The following SFMBT2 variants were observed in gnomAD, a reference collection of about 807,000 sequenced individuals.
SFMBT2 encodes the protein scm-like with four MBT domains protein 2.
In SFMBT2, 38 loss-of-function variants were observed where a neutral mutation model predicts 110.1. That is an observed-to-expected ratio of 0.35 (90% CI 0.27 to 0.45). The LOEUF is 0.45. Ranked by LOEUF, SFMBT2 falls within the 20% of genes least tolerant of loss-of-function variation. SFMBT2 has a pLI of 1.00. For missense variants in SFMBT2, 1,011 were observed against 1,094.9 expected, an observed-to-expected ratio of 0.92 and a Z score of 1.08; for synonymous variants, 425 against 425.4, an observed-to-expected ratio of 1.00 and a Z score of 0.01.
At chr10:7,205,417 T>C in intron 12 of SFMBT2, 1 of 985,284 alleles carries the variant, frequency 1.0e-6, no homozygotes, top group Non-Finnish European at 1.2e-6. Flanking sequence ...AGAATGTCAG[T>C]ATATTATTGG....
chr10:7,281,629 GGTA>G (rs984789554), intron 6 of SFMBT2, among the ~76,000 whole-genome samples: 2 of 152,084 alleles, frequency 1.3e-5, no homozygotes, highest in African/African-American at 4.8e-5. Context: ...GTACAACAGG[GGTA>G]GTACAGCCTC....
chr10:7,209,290 T>C (rs899727255), intron 11 of SFMBT2, among the ~76,000 whole-genome samples: 1 of 152,262 alleles, frequency 6.6e-6, no homozygotes, highest in Non-Finnish European at 1.5e-5. Context: ...TATCATTTTA[T>C]AGAAAAATCC....
chr10:7,274,211 G>A (rs966982528), intron 7 of SFMBT2, among the ~76,000 whole-genome samples: 3 of 152,186 alleles, frequency 2.0e-5, no homozygotes, highest in African/African-American at 7.2e-5. Flanking sequence ...CACAGACCAG[G>A]TGCAGTCGCT....
intron 10 of SFMBT2, among the ~76,000 whole-genome samples, chr10:7,224,622 C>A (rs1839848050): frequency 2.0e-5 from 3 of 152,316 alleles, no homozygotes; most frequent in Middle Eastern, 3.4e-3. Context: ...CGTTCCACTA[C>A]CTTCAAATAG....
At chr10:7,200,606 A>G (rs1838922602) in intron 13 of SFMBT2, 122 bp from the exon 14 acceptor site, 4 of 722,822 alleles carry the variant, frequency 5.5e-6, no homozygotes, top group Non-Finnish European at 8.5e-6. Context: ...GGACCATAGA[A>G]TAGAATGTGT....
intron 4 of SFMBT2, among the ~76,000 whole-genome samples, chr10:7,296,638 C>T (rs1016451246): frequency 5.3e-5 from 8 of 152,304 alleles, no homozygotes; most frequent in African/African-American, 1.9e-4. Context: ...GCCTCTTGTT[C>T]AACAGTATTT....
chr10:7,192,107 A>G (rs1046557109), intron 15 of SFMBT2, among the ~76,000 whole-genome samples: 2 of 152,118 alleles, frequency 1.3e-5, no homozygotes, highest in Non-Finnish European at 2.9e-5. Context: ...AGACCATGTG[A>G]GTGTGTTCAA....
chr10:7,266,806 G>A (rs1841409011), intron 7 of SFMBT2, among the ~76,000 whole-genome samples: 1 of 152,208 alleles, frequency 6.6e-6, no homozygotes. Flanking sequence ...GTGAGTTCAG[G>A]ACAGAGTTTG....
chr10:7,250,099 G>A (rs1041547875), intron 7 of SFMBT2, among the ~76,000 whole-genome samples: 1 of 152,218 alleles, frequency 6.6e-6, no homozygotes, highest in East Asian at 1.9e-4. Flanking sequence ...TGTTTATGTT[G>A]CAAACAAAGC....
chr10:7,261,680 T>C (rs969192232), intron 7 of SFMBT2, among the ~76,000 whole-genome samples: 3 of 152,208 alleles, frequency 2.0e-5, no homozygotes, highest in Non-Finnish European at 4.4e-5. Context: ...ATTAAGGAGC[T>C]TTAAAGCAGG....
intron 4 of SFMBT2, among the ~76,000 whole-genome samples, chr10:7,343,059 C>T (rs1843982016): frequency 6.6e-6 from 1 of 151,864 alleles, no homozygotes; most frequent in South Asian, 2.1e-4. Context: ...TCAAGTAGGC[C>T]CCCGTGTCTA....
intron 20 of SFMBT2, among the ~76,000 whole-genome samples, chr10:7,169,820 C>G (rs1837814748): frequency 6.6e-6 from 1 of 152,208 alleles, no homozygotes; most frequent in Non-Finnish European, 1.5e-5. Context: ...TAGGACACAG[C>G]ATCATATGAT....
At chr10:7,325,048 A>G (rs1843337619) in intron 4 of SFMBT2, among the ~76,000 whole-genome samples, 1 of 145,888 alleles carries the variant, frequency 6.9e-6, no homozygotes, top group Non-Finnish European at 1.5e-5. Flanking sequence ...GCTCACTACA[A>G]CCTCCACCTC....
intron 1 of SFMBT2, among the ~76,000 whole-genome samples, chr10:7,394,796 A>C (rs929391143): frequency 6.6e-6 from 1 of 151,580 alleles, no homozygotes; most frequent in Non-Finnish European, 1.5e-5. Context: ...TTTCTGCTAT[A>C]ATCTACACGA....
chr10:7,234,588 C>A (rs1362427217), intron 9 of SFMBT2, among the ~76,000 whole-genome samples: 1 of 152,118 alleles, frequency 6.6e-6, no homozygotes, highest in African/African-American at 2.4e-5. Context: ...GAGAGTTTTA[C>A]TATACCAACT....
rs1364549307 is a variant in SFMBT2 at position 7,403,922 on chromosome 10, CT to C, written c.-52+6938del. On this transcript the variant is annotated intron_variant, in intron 1 of 20. Transcript: ENST00000397167. ...CAACAGCAGATATTTAAATAAGCAG[CT>C]TTTTTTTATTTTTAAAAGTATTTGA... Among the ~76,000 whole-genome samples the C allele has an allele frequency of 5.3e-5, 8 of 152,028 alleles. 1 individual carries two copies. Among genetic ancestry groups the C allele is most frequent in the Non-Finnish European group, 1.5e-5 (1 of 67,958 alleles).
chr10:7,163,419 C>G lies in SFMBT2; in HGVS notation c.*351G>C, dbSNP rs533999716. On this transcript the variant is annotated 3_prime_UTR_variant, in exon 21 of 21. Transcript: ENST00000397167. The surrounding 1 kb of genome is among the most constrained non-coding windows in gnomAD (Gnocchi z 4.8). ...GTGAGGTTTCTTCCTTGGCGACATT[C>G]TTTGTTTTCAAAGAATGCAGTCCTC... The G allele has an allele frequency of 4.8e-6, 1 of 208,208 alleles. No individual in the cohort carries two copies. Among genetic ancestry groups the G allele is most frequent in the African/African-American group, 2.3e-5 (1 of 43,184 alleles). The allele number at this position is 208,208 out of a possible 1,614,324, so 12.9% of individuals were successfully genotyped here.
At chr10:7,253,493 A>G (rs12266138) in intron 7 of SFMBT2, among the ~76,000 whole-genome samples, 2,074 of 152,320 alleles carry the variant, frequency 0.014, 59 homozygotes, top group African/African-American at 0.047. Flanking sequence ...AAAAACCCAC[A>G]CATGTGATGT....
chr10:7,208,622 G>A (rs1368664041), intron 11 of SFMBT2, among the ~76,000 whole-genome samples: 5 of 151,624 alleles, frequency 3.3e-5, no homozygotes, highest in African/African-American at 9.7e-5. Flanking sequence ...GGAGGTGGAG[G>A]TTGCAGTGAG....
Sources: allele counts gnomAD v4.1 joint callset (sites outside exome capture counted in the v4.1 genomes callset), GRCh38; gene constraint gnomAD v4.1.1; non-coding constraint Gnocchi (gnomAD v3.1); transcripts MANE v1.5; gene names NCBI Gene and HGNC (gene_info 2026-07-23, HGNC 2026-07-21).